The following MAST2 variants were observed in gnomAD, a reference collection of about 807,000 sequenced individuals.
MAST2 encodes the protein microtubule associated serine/threonine kinase 2.
Under a neutral mutation model 147.4 loss-of-function variants are expected in MAST2, and 70 were observed. The observed-to-expected ratio is 0.47, with a 90% CI of 0.39 to 0.58. The LOEUF is 0.58. Among genes scored for constraint, MAST2 ranks in the 20% least tolerant of loss-of-function variants. The pLI is 0.00. For missense variants in MAST2, 2,080 were observed against 2,302.3 expected, an observed-to-expected ratio of 0.90 and a Z score of 1.98; for synonymous variants, 869 against 896.8, an observed-to-expected ratio of 0.97 and a Z score of 0.55.
rs374873750 is a variant in MAST2 at position 45,803,954 on chromosome 1, A to T, written c.59A>T (p.Asp20Val). Residue 20 changes from aspartate to valine, a missense_variant, in exon 1 of 29, where the codon GAT becomes GTT. Physicochemically the swap from Asp to Val is radical, Grantham distance 152. Around this residue, in one of 4 missense-constraint regions of MAST2, gnomAD observed 24 missense variants for 46.1 expected, o/e 0.52. Transcript: ENST00000361297. ...CCGCCGCCGCCCGACCGCCGGGAGG[A>T]TGGAGTTCAGCGGGCAGCGGAGCTG... ...PQPPPPDRREDGVQRAAELSQ... is the reference protein window; with the variant it reads ...PQPPPPDRREVGVQRAAELSQ... 3.6e-3 allele frequency: 3,469 copies of T among 966,276 alleles called. 42 individuals carry two copies. The East Asian group carries it at 0.04, about 11-fold the overall frequency. 59.9% of individuals were successfully genotyped at this position (966,276 alleles called of 1,614,324 possible).
chr1:45,922,888 C>T (rs1653755499), intron 4 of MAST2, among the ~76,000 whole-genome samples: 1 of 152,212 alleles, frequency 6.6e-6, no homozygotes, highest in African/African-American at 2.4e-5. Context: ...TGCTGGGCTG[C>T]TCCAACGCAT....
At chr1:45,845,951 G>A (rs35154628) in intron 3 of MAST2, among the ~76,000 whole-genome samples, 69,293 of 151,868 alleles carry the variant, frequency 0.46, 16,031 homozygotes, top group East Asian at 0.65. Flanking sequence ...TAGTAGAGAC[G>A]GGGTTTCACT....
At chr1:45,842,312 A>G (rs557314823) in intron 3 of MAST2, among the ~76,000 whole-genome samples, 1 of 152,334 alleles carries the variant, frequency 6.6e-6, no homozygotes, top group East Asian at 1.9e-4. Context: ...AAATATTGAT[A>G]TGAAATTTAC....
intron 5 of MAST2, among the ~76,000 whole-genome samples, chr1:45,967,562 G>A (rs1294571992): frequency 6.6e-6 from 1 of 152,112 alleles, no homozygotes; most frequent in Non-Finnish European, 1.5e-5. Flanking sequence ...TATACTTACT[G>A]TTCATTAATT....
At chr1:45,983,619 A>G (rs7512448) in intron 5 of MAST2, among the ~76,000 whole-genome samples, 121,025 of 151,832 alleles carry the variant, frequency 0.8, 48,705 homozygotes, top group East Asian at 0.98. Flanking sequence ...AGCCTCCCAA[A>G]TAGCTGGGAC....
At chr1:45,871,785 C>T (rs1646402735) in intron 3 of MAST2, among the ~76,000 whole-genome samples, 1 of 152,186 alleles carries the variant, frequency 6.6e-6, no homozygotes, top group Non-Finnish European at 1.5e-5. Context: ...TTCACCACTC[C>T]TACCCTAAGC....
chr1:45,941,223 T>TTA (rs1657213264), intron 4 of MAST2, among the ~76,000 whole-genome samples: 1 of 152,138 alleles, frequency 6.6e-6, no homozygotes, highest in African/African-American at 2.4e-5. Flanking sequence ...CCAAACTTAT[T>TTA]TATATAAGTT....
At chr1:45,840,400 G>A (rs1227395084) in intron 3 of MAST2, among the ~76,000 whole-genome samples, 1 of 151,996 alleles carries the variant, frequency 6.6e-6, no homozygotes. Context: ...TGAAATCATT[G>A]TGAATGCCTT....
chr1:45,922,015 A>G (rs1052968676), intron 4 of MAST2, among the ~76,000 whole-genome samples: 5 of 152,160 alleles, frequency 3.3e-5, no homozygotes, highest in Non-Finnish European at 5.9e-5. Flanking sequence ...GGTAGCTCCT[A>G]TCTGTAGGCA....
At chr1:45,965,474 T>C (rs1337584937) in intron 5 of MAST2, among the ~76,000 whole-genome samples, 2 of 152,190 alleles carry the variant, frequency 1.3e-5, no homozygotes, top group Non-Finnish European at 2.9e-5. Flanking sequence ...TTTACCATTA[T>C]GTAATGGCCT....
At chr1:45,928,604 CAG>C (rs981469642) in intron 4 of MAST2, among the ~76,000 whole-genome samples, 29 of 148,032 alleles carry the variant, frequency 2.0e-4, no homozygotes, top group South Asian at 2.1e-4. Context: ...CCTTTTGAGA[CAG>C]AGTCTCTCTC....
At chr1:45,991,151 A>G (rs1015346587) in intron 5 of MAST2, among the ~76,000 whole-genome samples, 4 of 152,052 alleles carry the variant, frequency 2.6e-5, no homozygotes, top group Non-Finnish European at 5.9e-5. Flanking sequence ...GAGAATATAT[A>G]TTTTCTTCAT....
chr1:45,830,204 A>G (rs1366522226), intron 3 of MAST2, among the ~76,000 whole-genome samples: 4 of 98,438 alleles, frequency 4.1e-5, no homozygotes, highest in Admixed American at 1.3e-4. Flanking sequence ...TTTTTTTGAG[A>G]TGGAGTCTCA....
At chr1:45,876,182 G>C (rs959421279) in intron 3 of MAST2, among the ~76,000 whole-genome samples, 1 of 152,334 alleles carries the variant, frequency 6.6e-6, no homozygotes. Flanking sequence ...TACATTGGCA[G>C]TGTGCCAAGA....
rs747467542 is a variant in MAST2, at chr1:46,010,945, T to G, written c.1188+6T>G. On this transcript the variant is annotated splice_donor_region_variant and intron_variant, in intron 10 of 28. Coordinates refer to ENST00000361297, the MANE Select transcript of MAST2 (RefSeq NM_015112.3). Reference sequence around the variant, plus strand: ...TGGAGAAACTTTTACAAGATGTGAGTGTCCTTGTGCTGGGGTTCTGAAAAA... The same window carrying G: ...TGGAGAAACTTTTACAAGATGTGAGGGTCCTTGTGCTGGGGTTCTGAAAAA... 1 of 1,611,580 alleles carries G rather than the reference T, an allele frequency of 6.2e-7. No individual in the cohort carries two copies. The highest frequency in any genetic ancestry group is 1.1e-5 in the South Asian group (1 of 91,008).
At chr1:45,873,935 C>T (rs1286586014) in intron 3 of MAST2, among the ~76,000 whole-genome samples, 3 of 152,192 alleles carry the variant, frequency 2.0e-5, no homozygotes, top group Non-Finnish European at 4.4e-5. Context: ...ATCTTCCCAC[C>T]TCAGCCCCCT....
Position 46,019,745 on chromosome 1 carries a change from A to G in MAST2, c.1290+48A>G, listed in dbSNP as rs367787600. The stretch of plus-strand genomic sequence containing the variant: ...AGGTGGGCAGATTTAGAGGAGGACT[A>G]TAGAGGAAGTATCCTGATGACAGCA... On this transcript the variant is annotated intron_variant, in intron 11 of 28. Coordinates refer to ENST00000361297, the MANE Select transcript of MAST2 (RefSeq NM_015112.3). 38 of 1,503,944 alleles carry G rather than the reference A, an allele frequency of 2.5e-5. 1 individual carries two copies. The highest frequency in any genetic ancestry group is 1.8e-4 in the East Asian group (8 of 44,324). The allele number at this position is 1,503,944 out of a possible 1,614,324, so 93.2% of individuals were successfully genotyped here. A position where few individuals can be genotyped will look rare whatever the true frequency, so the allele number is the denominator to read the frequency against.
At chr1:45,898,336 C>A (rs1273336655) in intron 4 of MAST2, among the ~76,000 whole-genome samples, 1 of 152,090 alleles carries the variant, frequency 6.6e-6, no homozygotes, top group Non-Finnish European at 1.5e-5. Flanking sequence ...TTTATCTCCC[C>A]CTGTTTTAGA....
Position 46,027,852 on chromosome 1 carries a change from C to G in MAST2, c.2041C>G (p.Leu681Val). 1 of 1,614,070 alleles carries G rather than the reference C, an allele frequency of 6.2e-7. No individual in the cohort carries two copies. Among genetic ancestry groups the G allele is most frequent in the Non-Finnish European group, 8.5e-7 (1 of 1,179,986 alleles). Residue 681 changes from leucine to valine, a missense_variant, in exon 17 of 29, where the codon CTG becomes GTG. This residue lies in a region of MAST2 where 209 missense variants were observed against 309.5 expected (regional missense o/e 0.68). Coordinates refer to ENST00000361297, the MANE Select transcript of MAST2 (RefSeq NM_015112.3). ...GHIEKDAREF[L>V]DKQVCGTPEY... ...TATTGAAAAGGATGCCCGGGAATTC[C>G]TGGACAAGCAGGTAAGGAAGGGTAG... is the stretch of plus-strand genomic sequence containing the variant.
Sources: gnomAD v4.1 joint callset for allele counts (sites outside exome capture counted in the v4.1 genomes callset) on GRCh38, gnomAD v4.1.1 for gene constraint, gnomAD v4.1.1 regional missense constraint, MANE v1.5 for transcripts, NCBI Gene and HGNC (gene_info 2026-07-23, HGNC 2026-07-21) for gene names.